The following SPRED2 variants were observed in gnomAD, a reference collection of about 807,000 sequenced individuals.
SPRED2 encodes the protein sprouty related EVH1 domain containing 2.
Under a neutral mutation model 43.0 loss-of-function variants are expected in SPRED2, and 47 were observed. The observed-to-expected ratio is 1.09, with a 90% CI of 0.87 to 1.40. The LOEUF (loss-of-function observed/expected upper bound fraction) is 1.40, where lower values mean the gene tolerates loss of function less well. Among genes scored for constraint, SPRED2 ranks in the 40% most tolerant of loss-of-function variants. SPRED2 has a pLI of 0.00. For missense variants in SPRED2, 561 were observed against 586.4 expected (o/e 0.96, Z 0.45); for synonymous variants, 225 against 225.7 (o/e 1.00, Z 0.03).
intron 1 of SPRED2, among the ~76,000 whole-genome samples, chr2:65,426,647 G>A (rs1266702404): frequency 2.6e-5 from 4 of 152,166 alleles, no homozygotes; most frequent in Non-Finnish European, 1.5e-5. Context: ...GGTTATGGTG[G>A]GAAAGTCAAA....
At chr2:65,388,686 G>A (rs1309306465) in intron 1 of SPRED2, among the ~76,000 whole-genome samples, 3 of 151,934 alleles carry the variant, frequency 2.0e-5, no homozygotes, top group Admixed American at 6.6e-5. Context: ...GGGGGGTGGT[G>A]AAAAGCAATT....
At chr2:65,410,716 G>A (rs1245567354) in intron 1 of SPRED2, among the ~76,000 whole-genome samples, 8 of 148,772 alleles carry the variant, frequency 5.4e-5, no homozygotes, top group South Asian at 2.1e-4. Context: ...CCGAGATGGC[G>A]CCACTGCACT....
rs762141670 is a variant in SPRED2, at chr2:65,344,943, A to T, written c.27-47T>A. ...GCACAGGGCATGACAATGGTCTGGT[A>T]GTTGCAGAACACGTTTCAAAATGCA... On this transcript the variant is annotated intron_variant, in intron 1 of 5. Transcript: ENST00000356388. 5 of 1,564,408 alleles carry T rather than the reference A, an allele frequency of 3.2e-6. No homozygotes were observed. In the South Asian group the frequency reaches 5.7e-5, roughly 18 times the overall value.
chr2:65,309,631 C>A (rs1454757418), downstream of SPRED2, among the ~76,000 whole-genome samples: 1 of 151,734 alleles, frequency 6.6e-6, no homozygotes, highest in African/African-American at 2.4e-5. Flanking sequence ...TGGAACCAAT[C>A]CCCCATGGAT....
chr2:65,334,817 A>G, intron 2 of SPRED2, 44 bp from the exon 3 acceptor site: 1 of 1,598,240 alleles, frequency 6.3e-7, no homozygotes, highest in Non-Finnish European at 8.6e-7. Context: ...TGGAACAGCC[A>G]TGATGATGTC....
At chr2:65,430,146 T>G (rs888025315) in intron 1 of SPRED2, among the ~76,000 whole-genome samples, 4 of 152,256 alleles carry the variant, frequency 2.6e-5, no homozygotes, top group African/African-American at 7.2e-5. Flanking sequence ...ATTGATTTAT[T>G]GGTCACGTTC....
chr2:65,378,112 G>A (rs1675288314), intron 1 of SPRED2: 1 of 180,642 alleles, frequency 5.5e-6, no homozygotes, highest in South Asian at 1.4e-4. Flanking sequence ...CTTTTCAGAA[G>A]TGCATATGCA....
At chr2:65,334,564 T>A (rs748609533) in intron 3 of SPRED2, 41 bp downstream of exon 3, 7 of 1,596,432 alleles carry the variant, frequency 4.4e-6, no homozygotes, top group Non-Finnish European at 6.0e-6. Context: ...ATTTGGAACA[T>A]TTCCATAGTC....
intron 4 of SPRED2, among the ~76,000 whole-genome samples, chr2:65,325,485 G>A (rs892601848): frequency 3.3e-5 from 5 of 152,128 alleles, no homozygotes; most frequent in Non-Finnish European, 7.4e-5. Flanking sequence ...TTAACTTTTG[G>A]GGGCCTCAGT....
rs77131195 is a variant in SPRED2, at chr2:65,366,177, C to T, written c.27-21281G>A. On this transcript the variant is annotated intron_variant, in intron 1 of 5. Coordinates refer to ENST00000356388, the MANE Select transcript of SPRED2 (RefSeq NM_181784.3). ...ACGTAACACAATAGTAATTGTTAGA[C>T]CACCTCCTTCAGCTCACCTCTGCTT... 2.8e-3 allele frequency among the ~76,000 whole-genome samples: 419 copies of T among 152,236 alleles called. 3 individuals carry two copies. The highest frequency in any genetic ancestry group is 9.2e-3 in the African/African-American group (383 of 41,532).
At chr2:65,378,837 T>C (rs746563348) in intron 1 of SPRED2, among the ~76,000 whole-genome samples, 8 of 152,224 alleles carry the variant, frequency 5.3e-5, no homozygotes, top group Non-Finnish European at 1.2e-4. Context: ...AGCCTGAATT[T>C]CTGGATTTTA....
At chr2:65,411,181 A>G (rs941818396) in intron 1 of SPRED2, among the ~76,000 whole-genome samples, 6 of 152,182 alleles carry the variant, frequency 3.9e-5, no homozygotes, top group Non-Finnish European at 1.5e-5. Context: ...CTTGGCCCAC[A>G]TTATCTCATT....
At chr2:65,412,162 G>GAA (rs756169628) in intron 1 of SPRED2, among the ~76,000 whole-genome samples, 137 of 151,730 alleles carry the variant, frequency 9.0e-4, no homozygotes, top group South Asian at 1.7e-3. Context: ...AAAAGAAAAA[G>GAA]AAAATGAACA....
intron 4 of SPRED2, among the ~76,000 whole-genome samples, chr2:65,322,332 T>C (rs1337824825): frequency 1.5e-5 from 2 of 136,164 alleles, no homozygotes; most frequent in Non-Finnish European, 3.1e-5. Context: ...CTTGCTCCGT[T>C]GCCCAGGCTG....
intron 1 of SPRED2, chr2:65,373,772 G>A (rs941317656): frequency 9.2e-5 from 14 of 152,152 alleles, no homozygotes; most frequent in Non-Finnish European, 1.5e-4. Context: ...TTGGCACATG[G>A]TAAACCCACG....
chr2:65,350,297 A>G (rs1210727459), intron 1 of SPRED2, among the ~76,000 whole-genome samples: 1 of 152,232 alleles, frequency 6.6e-6, no homozygotes, highest in Non-Finnish European at 1.5e-5. Context: ...GCCTTAGAAA[A>G]AAATGTCAAA....
chr2:65,339,823 T>A (rs1436055614), intron 2 of SPRED2, among the ~76,000 whole-genome samples: 1 of 151,768 alleles, frequency 6.6e-6, no homozygotes, highest in Non-Finnish European at 1.5e-5. Flanking sequence ...AGATTCCACA[T>A]GGTTGAGTTT....
At chr2:65,328,496 A>G (rs908497454) in intron 4 of SPRED2, among the ~76,000 whole-genome samples, 74 of 152,194 alleles carry the variant, frequency 4.9e-4, no homozygotes, top group African/African-American at 1.7e-3. Context: ...TTTATGTGCA[A>G]AAATGGAAGT....
chr2:65,380,354 C>T (rs1222666409), intron 1 of SPRED2, among the ~76,000 whole-genome samples: 1 of 152,178 alleles, frequency 6.6e-6, no homozygotes, highest in Non-Finnish European at 1.5e-5. Context: ...TACTCATCCC[C>T]AAACCCCTGT....
Sources: gnomAD v4.1 joint callset for allele counts (sites outside exome capture counted in the v4.1 genomes callset) on GRCh38, gnomAD v4.1.1 for gene constraint, MANE v1.5 for transcripts, NCBI Gene and HGNC (gene_info 2026-07-23, HGNC 2026-07-21) for gene names.